AHNAK: variants seen among roughly 807,000 people sequenced by gnomAD.
AHNAK encodes neuroblast differentiation-associated protein AHNAK.
AHNAK carries 23 observed loss-of-function variants against 37.8 expected under a neutral mutation model. The observed-to-expected ratio is 0.61, with a 90% CI of 0.44 to 0.86. The LOEUF is 0.86. Among genes scored for constraint, AHNAK ranks in the 40% least tolerant of loss-of-function variants. The probability of loss-of-function intolerance (pLI) is 0.00; values close to 1 mark genes in which losing one functional copy is unlikely to be tolerated. For synonymous variants in AHNAK, 2,481 were observed against 2,636.3 expected (o/e 0.94, Z 1.80); for missense variants, 7,411 against 7,319.4 (o/e 1.01, Z -0.46).
At chr11:62,498,031 C>A (rs1386797067) in intron 4 of AHNAK, among the ~76,000 whole-genome samples, 2 of 151,742 alleles carry the variant, frequency 1.3e-5, no homozygotes, top group Non-Finnish European at 2.9e-5. Context: ...GTCAAATATG[C>A]AATATATCTA....
chr11:62,457,719 G>A (rs1226307935), intron 5 of AHNAK, among the ~76,000 whole-genome samples: 2 of 152,144 alleles, frequency 1.3e-5, no homozygotes, highest in Non-Finnish European at 2.9e-5. Flanking sequence ...TTATAAGTGG[G>A]AGCTAAATGC....
chr11:62,507,434 T>TA (rs1294208051), intron 4 of AHNAK, among the ~76,000 whole-genome samples: 1 of 152,212 alleles, frequency 6.6e-6, no homozygotes, highest in African/African-American at 2.4e-5. Flanking sequence ...CACATTATGT[T>TA]AATTTAAATC....
chr11:62,440,624 C>A (rs113684030), intron 5 of AHNAK, among the ~76,000 whole-genome samples: 2 of 152,080 alleles, frequency 1.3e-5, no homozygotes, highest in African/African-American at 4.8e-5. Flanking sequence ...TAGTTTAACC[C>A]TATAATCAGG....
chr11:62,494,820 GA>G (rs1247113584), intron 4 of AHNAK, among the ~76,000 whole-genome samples: 3 of 151,980 alleles, frequency 2.0e-5, no homozygotes, highest in African/African-American at 7.3e-5. Flanking sequence ...AGACCAGCCT[GA>G]CCAACATGGT....
intron 5 of AHNAK, among the ~76,000 whole-genome samples, chr11:62,474,310 G>A (rs576948167): frequency 4.0e-5 from 6 of 151,724 alleles, no homozygotes; most frequent in African/African-American, 4.8e-5. Flanking sequence ...TCAGCCTCCT[G>A]AGTAGCTGGG....
chr11:62,537,837 C>A (rs1297921377), intron 1 of AHNAK, among the ~76,000 whole-genome samples: 1 of 152,102 alleles, frequency 6.6e-6, no homozygotes. Context: ...CGCCCGCCAC[C>A]ATGCCCGGCT....
intron 1 of AHNAK, among the ~76,000 whole-genome samples, chr11:62,540,215 C>T (rs1232141880): frequency 6.6e-6 from 1 of 152,230 alleles, no homozygotes; most frequent in Non-Finnish European, 1.5e-5. Flanking sequence ...GCAGCAGCCA[C>T]ATGTGGCTAT....
At position 62,523,941 on chromosome 11, in the gene AHNAK, T is replaced by C; in HGVS notation, c.10476A>G (p.Pro3492=). 6.2e-7 allele frequency: 1 copy of C among 1,614,066 alleles called. No homozygotes were observed. The highest frequency in any genetic ancestry group is 8.5e-7 in the Non-Finnish European group (1 of 1,180,012). Residue 3492 remains proline, a synonymous_variant, in exon 5 of 5, where the codon CCA becomes CCG. Transcript: ENST00000378024. ...FSVSGLKAEG[P]DVAVDLPKGD... Reference sequence around the variant, plus strand: ...CTTTTGGTAGATCCACAGCTACATCTGGCCCTTCTGCTTTTAAGCCAGACA... The same window carrying C: ...CTTTTGGTAGATCCACAGCTACATCCGGCCCTTCTGCTTTTAAGCCAGACA...
rs1334676403 is a variant in AHNAK, at chr11:62,516,009, T to C, written c.*735A>G. 3.4e-6 allele frequency: 4 copies of C among 1,171,964 alleles called. No homozygotes were observed. In the African/African-American group the frequency reaches 4.8e-5, roughly 14 times the overall value. 72.6% of individuals were successfully genotyped at this position (1,171,964 alleles called of 1,614,324 possible). ...AAATTTTCTTAATCATGATAACATT[T>C]GTTAAAAAGAAATCAGAACTAATAT... On this transcript the variant is annotated 3_prime_UTR_variant, in exon 5 of 5. Coordinates refer to ENST00000378024, the MANE Select transcript of AHNAK (RefSeq NM_001620.3).
At position 62,524,969 on chromosome 11, in the gene AHNAK, T is replaced by C; in HGVS notation, c.9448A>G (p.Met3150Val). 1.2e-6 allele frequency: 2 copies of C among 1,613,660 alleles called. No homozygotes were observed. The highest frequency in any genetic ancestry group is 2.2e-5 in the East Asian group (1 of 44,838). Residue 3150 changes from methionine (M) to valine (V), a missense_variant, in exon 5 of 5, where the codon ATG becomes GTG. By Grantham distance (21) the Met-to-Val change is conservative. Transcript: ENST00000378024. ...ATCTTGGGCATTTTTATTTTAGGCA[T>C]CTTCAGGTGCCAGTCTGGGCCTTGA... ...DVQGPDWHLK[M>V]PKIKMPKISM...
chr11:62,462,271 C>T (rs1194424716), intron 5 of AHNAK, among the ~76,000 whole-genome samples: 7 of 150,414 alleles, frequency 4.7e-5, no homozygotes. Flanking sequence ...CATCTCATCT[C>T]AACTCTCTGG....
Position 62,526,633 on chromosome 11 carries a change from C to T in AHNAK, c.7784G>A (p.Gly2595Asp), listed in dbSNP as rs768095456. 2.4e-5 allele frequency: 38 copies of T among 1,613,380 alleles called. 1 individual carries two copies. The Middle Eastern group carries it at 8.2e-4, about 35-fold the overall frequency. The change falls in exon 5 of 5, where the codon GGC becomes GAC. Residue 2595 changes from glycine (G) to aspartate (D), a missense_variant. Transcript: ENST00000378024. ...TTTGGGCAGAGAAACATCCACATCGCCCTTCACCTTGGGACCTTTCAGATG... is the reference window on the plus strand; with the variant it reads ...TTTGGGCAGAGAAACATCCACATCGTCCTTCACCTTGGGACCTTTCAGATG... ...DLHLKGPKVK[G>D]DVDVSLPKVE...
chr11:62,528,079 T>C lies in AHNAK; in HGVS notation c.6338A>G (p.Lys2113Arg), dbSNP rs775671170. 9.3e-6 allele frequency: 15 copies of C among 1,613,136 alleles called. No individual in the cohort carries two copies. Among genetic ancestry groups the C allele is most frequent in the East Asian group, 2.2e-5 (1 of 44,792 alleles). ...PKLKMPEMHFKAPKISMPDVD... is the reference protein window; with the variant it reads ...PKLKMPEMHFRAPKISMPDVD... ...ATCAGGCATGGAGATCTTGGGGGCCTTGAAGTGCATCTCAGGCATCTTAAG... is the reference window on the plus strand; with the variant it reads ...ATCAGGCATGGAGATCTTGGGGGCCCTGAAGTGCATCTCAGGCATCTTAAG... Residue 2113 changes from lysine (K) to arginine (R), a missense_variant, in exon 5 of 5, where the codon AAG (lysine) becomes AGG (arginine). Coordinates refer to ENST00000378024, the MANE Select transcript of AHNAK (RefSeq NM_001620.3).
rs1243923910 is a variant in AHNAK, at chr11:62,533,509, T to C, written c.908A>G (p.Lys303Arg). The change falls in exon 5 of 5, where the codon AAA becomes AGA. Residue 303 changes from lysine to arginine, a missense_variant. Coordinates refer to ENST00000378024, the MANE Select transcript of AHNAK (RefSeq NM_001620.3). ...GPSLESGDHG[K>R]IKFPTMKVPK... ...CACTTTCATGGTGGGAAATTTAATT[T>C]TGCCATGATCACCACTCTCCAGAGA... is the stretch of plus-strand genomic sequence containing the variant. 6.2e-7 allele frequency: 1 copy of C among 1,613,988 alleles called. No individual in the cohort carries two copies. Among genetic ancestry groups the C allele is most frequent in the Non-Finnish European group, 8.5e-7 (1 of 1,180,038 alleles).
At chr11:62,460,430 C>T (rs943310640) in intron 5 of AHNAK, among the ~76,000 whole-genome samples, 1 of 152,170 alleles carries the variant, frequency 6.6e-6, no homozygotes, top group Non-Finnish European at 1.5e-5. Context: ...AAATTGGAAG[C>T]CTTCAGCCTG....
chr11:62,467,764 G>GA (rs1461232240), intron 5 of AHNAK, among the ~76,000 whole-genome samples: 2 of 152,086 alleles, frequency 1.3e-5, no homozygotes, highest in African/African-American at 4.8e-5. Context: ...GATTGGTTTG[G>GA]AAAAAAGAGA....
intron 4 of AHNAK, 74 bp from the exon 5 acceptor site, chr11:62,534,148 CCGA>C (rs1249220964): frequency 6.9e-7 from 1 of 1,441,412 alleles, no homozygotes; most frequent in East Asian, 2.4e-5. Context: ...CACAGCCCAG[CCGA>C]CAACACGTTG....
Position 62,517,255 on chromosome 11 carries a change from T to G in AHNAK, c.17162A>C (p.Lys5721Thr). ...KIKMPKFNFSKPKGKGGVTGS... is the reference protein window; with the variant it reads ...KIKMPKFNFSTPKGKGGVTGS... Reference sequence around the variant, plus strand: ...AGTGACACCACCTTTCCCTTTAGGTTTGGAAAAATTAAACTTGGGCATTTT... The same window carrying G: ...AGTGACACCACCTTTCCCTTTAGGTGTGGAAAAATTAAACTTGGGCATTTT... Residue 5721 changes from lysine to threonine, a missense_variant, in exon 5 of 5, where the codon AAA becomes ACA. Coordinates refer to ENST00000378024, the MANE Select transcript of AHNAK (RefSeq NM_001620.3). 6.2e-7 allele frequency: 1 copy of G among 1,614,138 alleles called. No homozygotes were observed. Among genetic ancestry groups the G allele is most frequent in the Non-Finnish European group, 8.5e-7 (1 of 1,180,038 alleles).
intron 5 of AHNAK, among the ~76,000 whole-genome samples, chr11:62,480,868 G>A (rs896210014): frequency 3.4e-5 from 5 of 148,424 alleles, no homozygotes; most frequent in African/African-American, 1.2e-4. Context: ...GTTGGAATGC[G>A]CAGCGTGAAG....
Sources: allele counts gnomAD v4.1 joint callset (sites outside exome capture counted in the v4.1 genomes callset), GRCh38; gene constraint gnomAD v4.1.1; transcripts MANE v1.5; gene names NCBI Gene and HGNC (gene_info 2026-07-23, HGNC 2026-07-21).